THSD7A: variants seen among roughly 807,000 people sequenced by gnomAD.
The protein encoded by THSD7A is thrombospondin type-1 domain-containing protein 7A.
In THSD7A, 96 loss-of-function variants were observed where a neutral mutation model predicts 231.3. The observed-to-expected ratio is 0.41, with a 90% CI of 0.35 to 0.49. The LOEUF (loss-of-function observed/expected upper bound fraction) is 0.49, where lower values mean the gene tolerates loss of function less well. Among genes scored for constraint, THSD7A ranks in the 20% least tolerant of loss-of-function variants. THSD7A has a pLI of 0.05. For synonymous variants in THSD7A, 940 were observed against 743.3 expected (o/e 1.26, Z -4.30); for missense variants, 2,290 against 2,070.2 (o/e 1.11, Z -2.06).
chr7:11,669,935 C>G (rs1467347824), intron 1 of THSD7A, among the ~76,000 whole-genome samples: 1 of 151,870 alleles, frequency 6.6e-6, no homozygotes, highest in African/African-American at 2.4e-5. Context: ...AATAACAACT[C>G]TCCCAAAGTT....
At chr7:11,508,294 A>T (rs1474649089) in intron 6 of THSD7A, among the ~76,000 whole-genome samples, 1 of 152,232 alleles carries the variant, frequency 6.6e-6, no homozygotes, top group East Asian at 1.9e-4. Context: ...GAAGAAATAC[A>T]GCGAGCCAAC....
At chr7:11,805,810 A>C (rs1302317512) in intron 1 of THSD7A, among the ~76,000 whole-genome samples, 1 of 152,150 alleles carries the variant, frequency 6.6e-6, no homozygotes, top group Non-Finnish European at 1.5e-5. Flanking sequence ...AACATTTAAA[A>C]TGCCAAAATA....
chr7:11,494,554 G>C (rs1190277112), intron 6 of THSD7A, among the ~76,000 whole-genome samples: 1 of 151,988 alleles, frequency 6.6e-6, no homozygotes. Flanking sequence ...GGGATGAAAG[G>C]AAAGAAAATA....
rs543559196 is a variant in THSD7A, at chr7:11,804,629, A to T, written c.190+27128T>A. Among the ~76,000 whole-genome samples, 201 of 152,356 alleles carry T rather than the reference A, an allele frequency of 1.3e-3. 2 individuals carry two copies. The highest frequency in any genetic ancestry group is 3.9e-4 in the East Asian group (2 of 5,194). ...CCAACCTGTTTATGGCTGATAAATC[A>T]TATTCTTATGAAATCATGTGACTTT... On this transcript the variant is annotated intron_variant, in intron 1 of 27. Transcript: ENST00000423059.
intron 13 of THSD7A, among the ~76,000 whole-genome samples, chr7:11,434,331 T>G (rs1388858104): frequency 6.6e-6 from 1 of 152,120 alleles, no homozygotes; most frequent in African/African-American, 2.4e-5. Context: ...AACTCCAGAC[T>G]TCTGATTATA....
chr7:11,664,406 T>G (rs184238240), intron 1 of THSD7A, among the ~76,000 whole-genome samples: 26 of 152,080 alleles, frequency 1.7e-4, no homozygotes, highest in Non-Finnish European at 1.5e-5. Context: ...CCAATTTCCT[T>G]ACTTTTATGA....
rs1485490935 is a variant in THSD7A, at chr7:11,411,034, G to A, written c.3798+173C>T. On this transcript the variant is annotated intron_variant, in intron 19 of 27. Transcript: ENST00000423059. This position sits in a 1 kb window ranked among gnomAD's most constrained non-coding sequence, Gnocchi z 4.1. ...AGAAAATACAGGAAATTATATGTAG[G>A]AATCAGTAGTGTTGGACATTGTGTC... is the stretch of plus-strand genomic sequence containing the variant. Among the ~76,000 whole-genome samples, 1 of 151,920 alleles carries A rather than the reference G, an allele frequency of 6.6e-6. No homozygotes were observed. The highest frequency in any genetic ancestry group is 1.5e-5 in the Non-Finnish European group (1 of 67,994).
intron 6 of THSD7A, among the ~76,000 whole-genome samples, chr7:11,494,800 T>A (rs1787033062): frequency 3.3e-5 from 5 of 152,078 alleles, no homozygotes; most frequent in Admixed American, 3.3e-4. Context: ...TTATGGGCAC[T>A]TCATAAAAGC....
intron 1 of THSD7A, among the ~76,000 whole-genome samples, chr7:11,828,132 T>C (rs1278546880): frequency 6.6e-6 from 1 of 152,176 alleles, no homozygotes; most frequent in Non-Finnish European, 1.5e-5. Flanking sequence ...AAAATATCAC[T>C]CTTCTGCTCA....
At chr7:11,668,479 GACAGAAAGAA>G (rs1783239712) in intron 1 of THSD7A, among the ~76,000 whole-genome samples, 1 of 36,896 alleles carries the variant, frequency 2.7e-5, no homozygotes, top group African/African-American at 1.3e-4. Flanking sequence ...AAAAAAGAAA[GACAGAAAGAA>G]AGAGAGAGAG....
intron 4 of THSD7A, among the ~76,000 whole-genome samples, chr7:11,545,611 C>T (rs1478049004): frequency 6.6e-6 from 1 of 152,140 alleles, no homozygotes; most frequent in Non-Finnish European, 1.5e-5. Flanking sequence ...GCATCAAGAT[C>T]CATTCCTGGC....
chr7:11,777,993 CA>C (rs34060229), intron 1 of THSD7A, among the ~76,000 whole-genome samples: 73,563 of 133,998 alleles, frequency 0.55, 19,767 homozygotes, highest in East Asian at 0.63. Flanking sequence ...ACTAAAAATA[CA>C]AAAAAAAAAA....
intron 1 of THSD7A, among the ~76,000 whole-genome samples, chr7:11,705,585 AGTTGGAG>A (rs1780739914): frequency 6.6e-6 from 1 of 150,932 alleles, no homozygotes; most frequent in Non-Finnish European, 1.5e-5. Flanking sequence ...GGAGTTCTCA[AGTTGGAG>A]GTGGAGGGAA....
rs186160424 is a variant in THSD7A, at chr7:11,579,648, T to C, written c.1453+10812A>G. On this transcript the variant is annotated intron_variant, in intron 4 of 27. Transcript: ENST00000423059. ...GAAACAGTATCTATCCTTCCCTAAT[T>C]TCCCAGCTTAAATACTAGCAAAGTA... 3.3e-5 allele frequency among the ~76,000 whole-genome samples: 5 copies of C among 152,258 alleles called. No individual in the cohort carries two copies. In the East Asian group the frequency reaches 5.8e-4, roughly 18 times the overall value.
In THSD7A at chr7:11,425,731, T is replaced by TACACACACACACAC. The variant is rs3086973; in HGVS notation, c.3250-916_3250-903dup. ...GATAGTCCAACTCTATCCCTTATTT[T>TACACACACACACAC]ACACACACACACACACACACACACA... On this transcript the variant is annotated intron_variant, in intron 15 of 27. Transcript: ENST00000423059. 5.0e-3 allele frequency among the ~76,000 whole-genome samples: 722 copies of TACACACACACACAC among 145,774 alleles called. 6 individuals carry two copies. The highest frequency in any genetic ancestry group is 0.017 in the East Asian group (85 of 4,930).
At chr7:11,568,093 G>A (rs1790442730) in intron 4 of THSD7A, among the ~76,000 whole-genome samples, 2 of 152,024 alleles carry the variant, frequency 1.3e-5, no homozygotes, top group South Asian at 4.1e-4. Context: ...AATTTAAATA[G>A]TATTTTAAGT....
chr7:11,529,701 T>A (rs1371812831), intron 6 of THSD7A, among the ~76,000 whole-genome samples: 1 of 152,202 alleles, frequency 6.6e-6, no homozygotes, highest in Non-Finnish European at 1.5e-5. Flanking sequence ...TTCAGCCATG[T>A]AGAACTATGT....
chr7:11,503,112 G>A (rs905901346), intron 6 of THSD7A, among the ~76,000 whole-genome samples: 2 of 152,044 alleles, frequency 1.3e-5, no homozygotes, highest in Non-Finnish European at 2.9e-5. Context: ...TCCAAAACAG[G>A]CACATAGACC....
intron 17 of THSD7A, 37 bp downstream of exon 17, chr7:11,417,409 TTAAA>T (rs1783996644): frequency 1.3e-6 from 2 of 1,497,196 alleles, no homozygotes; most frequent in African/African-American, 1.4e-5. Flanking sequence ...TGGCAAATAA[TTAAA>T]TAAACTCTAC....
Sources: allele counts gnomAD v4.1 joint callset (sites outside exome capture counted in the v4.1 genomes callset), GRCh38; gene constraint gnomAD v4.1.1; non-coding constraint Gnocchi (gnomAD v3.1); transcripts MANE v1.5; gene names NCBI Gene and HGNC (gene_info 2026-07-23, HGNC 2026-07-21).